The following EPHA6 variants were observed in gnomAD, a reference collection of about 807,000 sequenced individuals.
The protein encoded by EPHA6 is ephrin type-A receptor 6.
Under a neutral mutation model 112.0 loss-of-function variants are expected in EPHA6, and 50 were observed. The observed-to-expected ratio is 0.45, with a 90% CI of 0.36 to 0.56. EPHA6 has a LOEUF of 0.56. EPHA6 is among the 20% of genes least tolerant of loss of function. The pLI is 0.00. For missense variants in EPHA6, 1,280 were observed against 1,417.4 expected (o/e 0.90, Z 1.56); for synonymous variants, 529 against 490.7 (o/e 1.08, Z -1.03).
intron 11 of EPHA6, among the ~76,000 whole-genome samples, chr3:97,572,438 C>T (rs779731354): frequency 6.6e-6 from 1 of 152,188 alleles, no homozygotes; most frequent in Non-Finnish European, 1.5e-5. Context: ...GCGTGAGACA[C>T]CGCGCCTGGC....
chr3:97,322,481 T>C (rs1397772509), intron 5 of EPHA6, among the ~76,000 whole-genome samples: 1 of 151,980 alleles, frequency 6.6e-6, no homozygotes, highest in African/African-American at 2.4e-5. Flanking sequence ...AAAATGACAC[T>C]GCTTTCCATG....
At chr3:97,187,212 G>A (rs2077164267) in intron 3 of EPHA6, among the ~76,000 whole-genome samples, 1 of 152,070 alleles carries the variant, frequency 6.6e-6, no homozygotes, top group Admixed American at 6.6e-5. Flanking sequence ...TTTCTGAAAT[G>A]TGTTTTTCTG....
intron 2 of EPHA6, among the ~76,000 whole-genome samples, chr3:96,952,220 T>C (rs917401509): frequency 2.2e-4 from 33 of 152,310 alleles, no homozygotes; most frequent in African/African-American, 7.9e-4. Context: ...CACTGCCTAG[T>C]ACAGTGCCTA....
At chr3:97,369,483 A>G (rs536402736) in intron 5 of EPHA6, among the ~76,000 whole-genome samples, 2 of 152,298 alleles carry the variant, frequency 1.3e-5, no homozygotes, top group African/African-American at 2.4e-5. Context: ...TAGGAGTCCT[A>G]GTTAATTCCA....
chr3:97,741,562 T>A, intron 16 of EPHA6, among the ~76,000 whole-genome samples: 1 of 152,084 alleles, frequency 6.6e-6, no homozygotes. Flanking sequence ...TCCTCACTGT[T>A]ATTATTCCCA....
intron 11 of EPHA6, among the ~76,000 whole-genome samples, chr3:97,534,810 CA>C (rs2092741355): frequency 2.0e-5 from 3 of 151,978 alleles, no homozygotes; most frequent in Admixed American, 2.0e-4. Context: ...ATATCTCTGG[CA>C]GGCAAAAGAT....
intron 10 of EPHA6, among the ~76,000 whole-genome samples, chr3:97,515,461 T>C (rs1046072483): frequency 6.6e-6 from 1 of 152,224 alleles, no homozygotes; most frequent in Non-Finnish European, 1.5e-5. Context: ...TTTTATTACA[T>C]TTGATTTCTA....
intron 10 of EPHA6, among the ~76,000 whole-genome samples, chr3:97,528,163 A>T (rs1469417549): frequency 2.0e-5 from 3 of 152,076 alleles, no homozygotes; most frequent in African/African-American, 7.2e-5. Flanking sequence ...ACTTAGACAA[A>T]ATTATTAAGT....
chr3:97,145,249 T>C (rs2076011006), intron 3 of EPHA6, among the ~76,000 whole-genome samples: 1 of 151,400 alleles, frequency 6.6e-6, no homozygotes, highest in Admixed American at 6.6e-5. Flanking sequence ...CTTTCTAAAG[T>C]TTTAACACAA....
At chr3:97,165,209 T>C (rs1559767769) in intron 3 of EPHA6, among the ~76,000 whole-genome samples, 1 of 152,164 alleles carries the variant, frequency 6.6e-6, no homozygotes, top group African/African-American at 2.4e-5. Context: ...TTTGCTGTAA[T>C]CTTTTCCTTG....
rs558682790 is a variant in EPHA6, at chr3:97,356,875, G to A, written c.1607-48275G>A. Among the ~76,000 whole-genome samples, 3 of 152,126 alleles carry A rather than the reference G, an allele frequency of 2.0e-5. No homozygotes were observed. In the East Asian group the frequency reaches 5.8e-4, roughly 29 times the overall value. ...GGTTTTTCTCTCCATTATTGACAAT[G>A]GGTATTGATGTCTCCAACTAGTATT... On this transcript the variant is annotated intron_variant, in intron 5 of 17. Coordinates refer to ENST00000389672, the MANE Select transcript of EPHA6 (RefSeq NM_001080448.3).
At chr3:96,998,980 C>T (rs563978116) in intron 3 of EPHA6, among the ~76,000 whole-genome samples, 25 of 151,862 alleles carry the variant, frequency 1.6e-4, no homozygotes, top group South Asian at 4.2e-4. Context: ...TTAACTTTTT[C>T]GTTCTTACTT....
In EPHA6 at chr3:96,946,750, A is replaced by C. The variant is rs577027167; in HGVS notation, c.451-40580A>C. 1.5e-4 allele frequency among the ~76,000 whole-genome samples: 23 copies of C among 152,314 alleles called. 1 individual carries two copies. The South Asian group carries it at 4.8e-3, about 32-fold the overall frequency. On this transcript the variant is annotated intron_variant, in intron 2 of 17. Coordinates refer to ENST00000389672, the MANE Select transcript of EPHA6 (RefSeq NM_001080448.3). ...TTCTAGATCCTTGAGGAATCGCCAC[A>C]CTGACTTCCACAATGGTTGAACTAG...
At chr3:96,955,541 CTT>C (rs2041724462) in intron 2 of EPHA6, among the ~76,000 whole-genome samples, 1 of 152,048 alleles carries the variant, frequency 6.6e-6, no homozygotes. Context: ...TATTTGTACT[CTT>C]AGTGTTTTCT....
chr3:97,289,460 C>T (rs905814411), intron 5 of EPHA6, among the ~76,000 whole-genome samples: 2 of 152,006 alleles, frequency 1.3e-5, no homozygotes, highest in Non-Finnish European at 2.9e-5. Flanking sequence ...GTACCAGTAC[C>T]ATACTCTTTT....
chr3:96,878,198 C>A (rs1041814904), intron 2 of EPHA6, among the ~76,000 whole-genome samples: 2 of 151,860 alleles, frequency 1.3e-5, no homozygotes, highest in Admixed American at 6.6e-5. Context: ...AATTTGTATT[C>A]TTTCTGTTGA....
intron 5 of EPHA6, among the ~76,000 whole-genome samples, chr3:97,390,228 T>C (rs1240568708): frequency 6.6e-6 from 1 of 152,118 alleles, no homozygotes; most frequent in Non-Finnish European, 1.5e-5. Context: ...TGGCAGTGAA[T>C]TTGCTGTTGC....
At chr3:97,260,745 C>T (rs1287142263) in intron 5 of EPHA6, among the ~76,000 whole-genome samples, 3 of 152,132 alleles carry the variant, frequency 2.0e-5, no homozygotes, top group Non-Finnish European at 4.4e-5. Context: ...TTGGTCAAGC[C>T]CCTAGGATTT....
intron 10 of EPHA6, among the ~76,000 whole-genome samples, chr3:97,486,455 A>C (rs1046596077): frequency 1.4e-4 from 22 of 152,210 alleles, no homozygotes; most frequent in African/African-American, 5.3e-4. Context: ...CACATGGGGT[A>C]GTTTATAATG....
Sources: allele counts gnomAD v4.1 joint callset (sites outside exome capture counted in the v4.1 genomes callset), GRCh38; gene constraint gnomAD v4.1.1; transcripts MANE v1.5; gene names NCBI Gene and HGNC (gene_info 2026-07-23, HGNC 2026-07-21).